ZNF341: variants seen among roughly 807,000 people sequenced by gnomAD.
The protein encoded by ZNF341 is zinc finger protein 341.
ZNF341 carries 52 observed loss-of-function variants against 87.7 expected under a neutral mutation model. The ratio of observed to expected loss-of-function variants is 0.59; its 90% confidence interval spans 0.47 to 0.75. The LOEUF (loss-of-function observed/expected upper bound fraction) is 0.75. Among genes scored for constraint, ZNF341 ranks in the 30% least tolerant of loss-of-function variants. The probability of loss-of-function intolerance (pLI) is 0.00; values close to 1 mark genes in which losing one functional copy is unlikely to be tolerated. For missense variants in ZNF341, 977 were observed against 1,145.9 expected (o/e 0.85, Z 2.13); for synonymous variants, 459 against 472.7 (o/e 0.97, Z 0.38).
chr20:33,736,186 A>G (rs1213120975), intron 1 of ZNF341, among the ~76,000 whole-genome samples: 4 of 148,172 alleles, frequency 2.7e-5, no homozygotes, highest in East Asian at 2.0e-4. Context: ...ACCATTTCCT[A>G]CACCCTCTAT....
In ZNF341 at chr20:33,757,186, C is replaced by G. The variant is rs1157635245; in HGVS notation, c.780C>G (p.Thr260=). 6.5e-7 allele frequency: 1 copy of G among 1,528,376 alleles called. No individual in the cohort carries two copies. Among genetic ancestry groups the G allele is most frequent in the South Asian group, 1.3e-5 (1 of 79,404 alleles). 94.7% of individuals were successfully genotyped at this position (1,528,376 alleles called of 1,614,324 possible). ...NQCVEPPVYP[T]PTVYSPGKQG... The stretch of plus-strand genomic sequence containing the variant: ...GTGTGGAGCCTCCAGTATATCCCAC[C>G]CCCACAGTGTACAGCCCTGGCAAAC... The change falls in exon 6 of 15, where the codon ACC becomes ACG. Residue 260 remains threonine (T), a synonymous_variant. Coordinates refer to ENST00000375200, the MANE Select transcript of ZNF341 (RefSeq NM_001282933.2).
chr20:33,774,568 G>T (rs1272934693), intron 10 of ZNF341, among the ~76,000 whole-genome samples: 1 of 152,172 alleles, frequency 6.6e-6, no homozygotes, highest in Non-Finnish European at 1.5e-5. Context: ...ACTGAATTTG[G>T]TGAAAATTCA....
intron 12 of ZNF341, among the ~76,000 whole-genome samples, chr20:33,785,606 G>T (rs369242661): frequency 1.3e-5 from 2 of 151,948 alleles, no homozygotes; most frequent in Non-Finnish European, 2.9e-5. Context: ...CAAAGTGCTG[G>T]GATTACAGAT....
chr20:33,744,592 G>T (rs1231902669), intron 2 of ZNF341, among the ~76,000 whole-genome samples: 7 of 151,628 alleles, frequency 4.6e-5, no homozygotes, highest in Middle Eastern at 3.4e-3. Context: ...AAACTGTGTG[G>T]TTTTTTTTCT....
chr20:33,779,198 G>C (rs1272452615), intron 10 of ZNF341, among the ~76,000 whole-genome samples: 2 of 152,102 alleles, frequency 1.3e-5, no homozygotes, highest in Non-Finnish European at 2.9e-5. Flanking sequence ...ATGTCACATG[G>C]CCAGAGCAGG....
chr20:33,755,596 T>C (rs2019159771), intron 5 of ZNF341, among the ~76,000 whole-genome samples: 1 of 147,948 alleles, frequency 6.8e-6, no homozygotes, highest in Non-Finnish European at 1.5e-5. Flanking sequence ...GAATTCTTTT[T>C]TTTTTTTTTT....
At chr20:33,790,352 T>A (rs1178369759) in intron 14 of ZNF341, among the ~76,000 whole-genome samples, 2 of 152,018 alleles carry the variant, frequency 1.3e-5, no homozygotes, top group African/African-American at 2.4e-5. Context: ...GGATTACAGG[T>A]GTGAGCCACC....
intron 1 of ZNF341, among the ~76,000 whole-genome samples, chr20:33,733,614 C>T (rs1349652028): frequency 6.6e-6 from 1 of 152,102 alleles, no homozygotes; most frequent in Non-Finnish European, 1.5e-5. Context: ...CTCAAGTGAT[C>T]TGCCCGCCTC....
At chr20:33,777,591 G>T (rs1447025320) in intron 10 of ZNF341, among the ~76,000 whole-genome samples, 3 of 148,882 alleles carry the variant, frequency 2.0e-5, no homozygotes, top group Admixed American at 1.3e-4. Flanking sequence ...CCGAGATCGG[G>T]CCACTGCACT....
intron 2 of ZNF341, among the ~76,000 whole-genome samples, chr20:33,741,795 G>T (rs988111086): frequency 2.6e-5 from 4 of 152,186 alleles, no homozygotes; most frequent in African/African-American, 9.7e-5. Context: ...ATCACACTAG[G>T]GGCAGGGAGA....
In ZNF341 at chr20:33,781,402, C is replaced by T. The variant is rs2019740308; in HGVS notation, c.1719+15C>T. The T allele has an allele frequency of 1.2e-6, 2 of 1,612,290 alleles. No homozygotes were observed. The highest frequency in any genetic ancestry group is 1.7e-6 in the Non-Finnish European group (2 of 1,178,336). On this transcript the variant is annotated intron_variant, in intron 11 of 14. Transcript: ENST00000375200. ...ACTGCCAGAAGGTGGGTGCCACTGTCCTCTTTTCTGGGGCCTAGGCTATAA... is the reference window on the plus strand; with the variant it reads ...ACTGCCAGAAGGTGGGTGCCACTGTTCTCTTTTCTGGGGCCTAGGCTATAA...
At position 33,748,917 on chromosome 20, in the gene ZNF341, G is replaced by C. The variant is rs754231245; in HGVS notation, c.340-6G>C. 6 of 1,610,946 alleles carry C rather than the reference G, an allele frequency of 3.7e-6. No individual in the cohort carries two copies. In the Admixed American group the frequency reaches 8.3e-5, roughly 22 times the overall value. On this transcript the variant is annotated splice_polypyrimidine_tract_variant and splice_region_variant and intron_variant, in intron 3 of 14. Transcript: ENST00000375200. ...TCTCACTCATTCTCTCTCTCCCACT[G>C]TCCAGATCTCCACATACATCACAGT...
intron 1 of ZNF341, among the ~76,000 whole-genome samples, chr20:33,737,481 C>CA (rs2018714954): frequency 6.6e-6 from 1 of 152,098 alleles, no homozygotes; most frequent in Non-Finnish European, 1.5e-5. Context: ...GCCACCATGC[C>CA]CGGCTAATTT....
chr20:33,754,340 C>T (rs963776417), intron 5 of ZNF341, among the ~76,000 whole-genome samples: 2 of 152,102 alleles, frequency 1.3e-5, no homozygotes, highest in Non-Finnish European at 2.9e-5. Flanking sequence ...TAGAACCTTC[C>T]AAGACACCAG....
intron 7 of ZNF341, among the ~76,000 whole-genome samples, chr20:33,760,381 T>C (rs1479631424): frequency 1.3e-5 from 2 of 152,066 alleles, no homozygotes; most frequent in Non-Finnish European, 2.9e-5. Context: ...CCAGCCTGGG[T>C]GACAGGGTGA....
chr20:33,762,734 G>T (rs762590700), intron 8 of ZNF341, among the ~76,000 whole-genome samples: 1 of 151,958 alleles, frequency 6.6e-6, no homozygotes, highest in Non-Finnish European at 1.5e-5. Flanking sequence ...CCCTCCCTGT[G>T]TCCATGTGTT....
chr20:33,745,952 ACGGAGT>A (rs1200131955), intron 3 of ZNF341, among the ~76,000 whole-genome samples: 1 of 129,988 alleles, frequency 7.7e-6, no homozygotes, highest in Non-Finnish European at 1.6e-5. Context: ...TTTTTTTGAG[ACGGAGT>A]CTTGCTCTGT....
intron 3 of ZNF341, among the ~76,000 whole-genome samples, chr20:33,748,359 C>A (rs559467516): frequency 5.9e-5 from 9 of 152,280 alleles, no homozygotes; most frequent in Non-Finnish European, 1.2e-4. Flanking sequence ...CGTGAGCCAC[C>A]ATGCCTGGCT....
Position 33,741,026 on chromosome 20 carries a change from C to T in ZNF341, c.142+14C>T. ...TCCAGCCATTGGGTGAGTATCTGCT[C>T]AGGTTCACCGGTGGGAGAGTGAATG... is the stretch of plus-strand genomic sequence containing the variant. On this transcript the variant is annotated intron_variant, in intron 2 of 14. Coordinates refer to ENST00000375200, the MANE Select transcript of ZNF341 (RefSeq NM_001282933.2). 3.1e-6 allele frequency: 5 copies of T among 1,611,128 alleles called. No individual in the cohort carries two copies. Among genetic ancestry groups the T allele is most frequent in the Non-Finnish European group, 4.2e-6 (5 of 1,177,250 alleles).
Sources: allele counts gnomAD v4.1 joint callset (sites outside exome capture counted in the v4.1 genomes callset), GRCh38; gene constraint gnomAD v4.1.1; transcripts MANE v1.5; gene names NCBI Gene and HGNC (gene_info 2026-07-23, HGNC 2026-07-21).